The following TYW1 variants were observed in gnomAD, a reference collection of about 807,000 sequenced individuals.
The protein encoded by TYW1 is tRNA-yW synthesizing protein 1 homolog.
TYW1 carries 46 observed loss-of-function variants against 96.2 expected under a neutral mutation model. The observed-to-expected ratio is 0.48, with a 90% CI of 0.38 to 0.61. The LOEUF is 0.61. TYW1 is among the 20% of genes least tolerant of loss of function. TYW1 has a pLI of 0.00. For synonymous variants in TYW1, 274 were observed against 323.0 expected, an observed-to-expected ratio of 0.85 and a Z score of 1.63; for missense variants, 684 against 909.6, an observed-to-expected ratio of 0.75 and a Z score of 3.19.
At chr7:67,142,292 T>A (rs1798474486) in intron 13 of TYW1, among the ~76,000 whole-genome samples, 1 of 152,120 alleles carries the variant, frequency 6.6e-6, no homozygotes, top group Non-Finnish European at 1.5e-5. Context: ...TTTGTAGAAA[T>A]GGGGTCTCAC....
chr7:67,173,849 G>A (rs1161406310), intron 13 of TYW1, among the ~76,000 whole-genome samples: 2 of 140,510 alleles, frequency 1.4e-5, no homozygotes, highest in Non-Finnish European at 3.1e-5. Context: ...GGTGAATGGT[G>A]TCATATGCTT....
At chr7:67,074,922 T>C (rs1346905559) in intron 10 of TYW1, among the ~76,000 whole-genome samples, 2 of 152,078 alleles carry the variant, frequency 1.3e-5, no homozygotes, top group Non-Finnish European at 2.9e-5. Context: ...AACCTCTGTC[T>C]CCTGGGTTCA....
At chr7:67,099,025 A>T (rs1797007903) in intron 12 of TYW1, among the ~76,000 whole-genome samples, 1 of 138,272 alleles carries the variant, frequency 7.2e-6, no homozygotes, top group Admixed American at 7.0e-5. Context: ...TTATTTTATT[A>T]TTATTATTTT....
chr7:67,083,832 C>T (rs2080331597), intron 11 of TYW1, among the ~76,000 whole-genome samples: 3 of 152,082 alleles, frequency 2.0e-5, no homozygotes, highest in South Asian at 2.1e-4. Flanking sequence ...GTCAGGAGTT[C>T]GAGATGAGCC....
intron 15 of TYW1, among the ~76,000 whole-genome samples, chr7:67,196,557 G>A (rs1457814291): frequency 1.3e-5 from 2 of 152,110 alleles, no homozygotes; most frequent in African/African-American, 4.8e-5. Flanking sequence ...TTAGATATGT[G>A]ATTTAACCCT....
chr7:67,199,574 T>A (rs1800523879), intron 15 of TYW1, among the ~76,000 whole-genome samples: 1 of 152,216 alleles, frequency 6.6e-6, no homozygotes, highest in South Asian at 2.1e-4. Flanking sequence ...AGTGTACCAC[T>A]CCTTCCACAT....
intron 13 of TYW1, among the ~76,000 whole-genome samples, chr7:67,170,969 T>C (rs1434645356): frequency 2.0e-5 from 3 of 152,030 alleles, no homozygotes; most frequent in Admixed American, 6.6e-5. Flanking sequence ...CTCTGCTATT[T>C]TTTTTGGAAG....
At chr7:67,197,326 C>CTTTTTTTTTTTTTTTT (rs35406844) in intron 15 of TYW1, among the ~76,000 whole-genome samples, 1 of 142,536 alleles carries the variant, frequency 7.0e-6, no homozygotes, top group African/African-American at 2.6e-5. Flanking sequence ...AGACCTCTGT[C>CTTTTTTTTTTTTTTTT]TTTTTTTTTT....
chr7:67,012,749 A>G (rs2129240590), intron 4 of TYW1, among the ~76,000 whole-genome samples: 1 of 152,296 alleles, frequency 6.6e-6, no homozygotes, highest in Admixed American at 6.5e-5. Context: ...AACGCAGTCA[A>G]AAGTTTGTTT....
chr7:67,109,407 C>A, intron 12 of TYW1, among the ~76,000 whole-genome samples: 1 of 150,614 alleles, frequency 6.6e-6, no homozygotes, highest in Admixed American at 6.6e-5. Flanking sequence ...TCTGTGAAAA[C>A]AATGAGAATA....
At chr7:67,026,353 A>G (rs1794454563) in intron 7 of TYW1, among the ~76,000 whole-genome samples, 1 of 152,120 alleles carries the variant, frequency 6.6e-6, no homozygotes, top group Non-Finnish European at 1.5e-5. Context: ...GATTACACAC[A>G]TGAGTTACCA....
At chr7:67,105,162 T>G (rs34538038) in intron 12 of TYW1, among the ~76,000 whole-genome samples, 1 of 152,232 alleles carries the variant, frequency 6.6e-6, no homozygotes. Context: ...GGACCAAAGC[T>G]AGTCACACGG....
chr7:67,009,568 T>C lies in TYW1; in HGVS notation c.274-15T>C, dbSNP rs1187602205. 1.4e-5 allele frequency: 22 copies of C among 1,607,244 alleles called. No individual in the cohort carries two copies. The highest frequency in any genetic ancestry group is 1.7e-5 in the Non-Finnish European group (20 of 1,178,184). ...CATTGAAGACTTTATTTGATGTTTT[T>C]TTTGGTCCTATTAGGGATTCGCAAC... On this transcript the variant is annotated splice_polypyrimidine_tract_variant and intron_variant, in intron 3 of 15. Transcript: ENST00000359626.
chr7:67,164,853 G>C (rs145073428), intron 13 of TYW1, among the ~76,000 whole-genome samples: 1 of 151,876 alleles, frequency 6.6e-6, no homozygotes, highest in Non-Finnish European at 1.5e-5. Flanking sequence ...CCTTGGGATT[G>C]AACATCTTGT....
chr7:67,099,527 TG>T (rs1797023599), intron 12 of TYW1, among the ~76,000 whole-genome samples: 1 of 152,174 alleles, frequency 6.6e-6, no homozygotes, highest in Non-Finnish European at 1.5e-5. Flanking sequence ...TGGGATTAGA[TG>T]GTCTAGGACT....
chr7:67,109,265 C>A (rs2115923211), intron 12 of TYW1, among the ~76,000 whole-genome samples: 1 of 127,746 alleles, frequency 7.8e-6, no homozygotes, highest in Non-Finnish European at 1.6e-5. Context: ...AAGAGCGAGA[C>A]TCCGTCTCAA....
rs187797136 is a variant in TYW1, at chr7:67,063,247, A to G, written c.1156-4038A>G. ...AGCATTTGGCAGAGTCTAACCCTTC[A>G]TCATTAAAAACTCTTAGCAAGTTAG... On this transcript the variant is annotated intron_variant, in intron 9 of 15. Coordinates refer to ENST00000359626, the MANE Select transcript of TYW1 (RefSeq NM_018264.4). 6.2e-3 allele frequency among the ~76,000 whole-genome samples: 949 copies of G among 152,318 alleles called. 1 individual carries two copies. The highest frequency in any genetic ancestry group is 0.011 in the Non-Finnish European group (726 of 68,020).
chr7:67,108,169 G>T lies in TYW1; in HGVS notation c.1563-9314G>T, dbSNP rs554098618. ...TGGGATTACAAGAATGAGCTACTGC[G>T]CCCAGACAAGATGGACATTTCTTAA... On this transcript the variant is annotated intron_variant, in intron 12 of 15. Coordinates refer to ENST00000359626, the MANE Select transcript of TYW1 (RefSeq NM_018264.4). 4.6e-5 allele frequency among the ~76,000 whole-genome samples: 7 copies of T among 152,100 alleles called. No individual in the cohort carries two copies. The East Asian group carries it at 1.4e-3, about 29-fold the overall frequency.
chr7:67,083,715 T>C (rs1041093799), intron 11 of TYW1, among the ~76,000 whole-genome samples, 176 bp downstream of exon 11: 8 of 152,220 alleles, frequency 5.3e-5, no homozygotes, highest in Non-Finnish European at 1.2e-4. Context: ...TTACGTCCCA[T>C]ATGATGGAAG....
Sources: gnomAD v4.1 joint callset for allele counts (sites outside exome capture counted in the v4.1 genomes callset) on GRCh38, gnomAD v4.1.1 for gene constraint, MANE v1.5 for transcripts, NCBI Gene and HGNC (gene_info 2026-07-23, HGNC 2026-07-21) for gene names.